AGBL4: variants seen among roughly 807,000 people sequenced by gnomAD.
AGBL4 encodes cytosolic carboxypeptidase 6.
Under a neutral mutation model 66.4 loss-of-function variants are expected in AGBL4, and 58 were observed. The ratio of observed to expected loss-of-function variants is 0.87; its 90% CI spans 0.71 to 1.09. The LOEUF is 1.09. AGBL4 is among the 50% of genes least tolerant of loss of function. The pLI, the probability that AGBL4 is intolerant of heterozygous loss-of-function variation, is 0.00. For missense variants in AGBL4, 579 were observed against 631.0 expected (o/e 0.92, Z 0.88); for synonymous variants, 234 against 222.9 (o/e 1.05, Z -0.44).
chr1:49,079,780 T>C (rs914851084), intron 4 of AGBL4, among the ~76,000 whole-genome samples: 3 of 152,154 alleles, frequency 2.0e-5, no homozygotes, highest in Admixed American at 1.3e-4. Context: ...CATTATCTAG[T>C]CTGATTTTTC....
intron 6 of AGBL4, among the ~76,000 whole-genome samples, chr1:48,809,129 AAGG>A (rs919257474): frequency 1.3e-5 from 2 of 152,076 alleles, no homozygotes; most frequent in African/African-American, 4.8e-5. Context: ...TACTTTAGGG[AAGG>A]AGGAGGGTAA....
chr1:49,884,663 G>C (rs1030019113), intron 1 of AGBL4, among the ~76,000 whole-genome samples: 2 of 151,740 alleles, frequency 1.3e-5, no homozygotes, highest in Middle Eastern at 3.4e-3. Flanking sequence ...TCAATTTAAG[G>C]AAGTTAGAGA....
At chr1:49,201,137 T>C (rs1557723670) in intron 4 of AGBL4, among the ~76,000 whole-genome samples, 1 of 152,170 alleles carries the variant, frequency 6.6e-6, no homozygotes, top group Non-Finnish European at 1.5e-5. Flanking sequence ...CTATATTAGA[T>C]GGGCTTGAAA....
intron 3 of AGBL4, among the ~76,000 whole-genome samples, chr1:49,362,675 T>C (rs920824277): frequency 7.9e-5 from 12 of 152,150 alleles, no homozygotes; most frequent in African/African-American, 2.9e-4. Flanking sequence ...ATGACTCTGC[T>C]TTGAATTTCT....
At chr1:49,011,942 T>C (rs1224023408) in intron 5 of AGBL4, among the ~76,000 whole-genome samples, 4 of 149,704 alleles carry the variant, frequency 2.7e-5, no homozygotes, top group Admixed American at 6.6e-5. Flanking sequence ...GATGACAAGT[T>C]AGTGGGTGCA....
intron 3 of AGBL4, among the ~76,000 whole-genome samples, chr1:49,680,405 G>A (rs906101396): frequency 6.8e-6 from 1 of 146,974 alleles, no homozygotes; most frequent in Admixed American, 6.7e-5. Flanking sequence ...AGTCATTCTT[G>A]CTGTATGGCA....
At chr1:49,583,297 G>T (rs539836298) in intron 3 of AGBL4, among the ~76,000 whole-genome samples, 1 of 152,142 alleles carries the variant, frequency 6.6e-6, no homozygotes, top group Non-Finnish European at 1.5e-5. Context: ...ACTCCATGTG[G>T]ACACAGAAGC....
intron 4 of AGBL4, among the ~76,000 whole-genome samples, chr1:49,168,155 C>G (rs1230222006): frequency 6.6e-6 from 1 of 152,072 alleles, no homozygotes; most frequent in Non-Finnish European, 1.5e-5. Context: ...GAACACTAAA[C>G]CATGCCTATA....
At chr1:49,032,246 T>C (rs762386786) in intron 5 of AGBL4, among the ~76,000 whole-genome samples, 30 of 152,152 alleles carry the variant, frequency 2.0e-4, no homozygotes, top group Non-Finnish European at 3.8e-4. Context: ...TATTTCATCA[T>C]ATACTACAGA....
At chr1:49,559,597 T>C (rs1257916239) in intron 3 of AGBL4, among the ~76,000 whole-genome samples, 2 of 152,108 alleles carry the variant, frequency 1.3e-5, no homozygotes, top group Non-Finnish European at 1.5e-5. Context: ...TGGAAGAAAG[T>C]GGAAAAAACT....
chr1:48,997,715 T>C, intron 5 of AGBL4, among the ~76,000 whole-genome samples: 1 of 152,168 alleles, frequency 6.6e-6, no homozygotes, highest in South Asian at 2.1e-4. Flanking sequence ...TTCTTACCCA[T>C]AATATGAGGA....
At chr1:48,999,403 C>T (rs1661235987) in intron 5 of AGBL4, among the ~76,000 whole-genome samples, 1 of 152,122 alleles carries the variant, frequency 6.6e-6, no homozygotes, top group Non-Finnish European at 1.5e-5. Flanking sequence ...AAACAAATGG[C>T]CCATTATAGA....
intron 1 of AGBL4, among the ~76,000 whole-genome samples, chr1:49,865,482 C>A (rs1646678365): frequency 6.6e-6 from 1 of 152,100 alleles, no homozygotes; most frequent in African/African-American, 2.4e-5. Flanking sequence ...CTGGAGCAGA[C>A]CCTCAGAAAA....
intron 2 of AGBL4, among the ~76,000 whole-genome samples, chr1:49,724,580 T>G (rs1204182023): frequency 6.6e-6 from 1 of 152,152 alleles, no homozygotes; most frequent in Non-Finnish European, 1.5e-5. Context: ...TATTCCATTC[T>G]TATTAACTGC....
intron 6 of AGBL4, among the ~76,000 whole-genome samples, chr1:48,830,148 C>T (rs1308301794): frequency 6.6e-6 from 1 of 152,186 alleles, no homozygotes; most frequent in Non-Finnish European, 1.5e-5. Context: ...ATCTATACTA[C>T]TTACCTTAGA....
chr1:48,764,314 A>C (rs2148670301), intron 6 of AGBL4, among the ~76,000 whole-genome samples: 1 of 152,336 alleles, frequency 6.6e-6, no homozygotes, highest in African/African-American at 2.4e-5. Flanking sequence ...AATTGAAGTG[A>C]ATAATTCCTA....
At chr1:49,619,291 G>T (rs928995828) in intron 3 of AGBL4, among the ~76,000 whole-genome samples, 2 of 152,124 alleles carry the variant, frequency 1.3e-5, no homozygotes, top group Non-Finnish European at 2.9e-5. Context: ...CAAAACCAAT[G>T]TGCAAAAACC....
intron 1 of AGBL4, among the ~76,000 whole-genome samples, chr1:49,972,332 C>T (rs537713910): frequency 6.6e-6 from 1 of 152,190 alleles, no homozygotes; most frequent in Admixed American, 6.5e-5. Context: ...ACCCTTTCCA[C>T]TTTTCATAGT....
intron 1 of AGBL4, among the ~76,000 whole-genome samples, chr1:49,880,162 G>A (rs576067008): frequency 1.1e-3 from 160 of 151,878 alleles, no homozygotes; most frequent in South Asian, 0.01. Context: ...CTCTCAGCTC[G>A]TCAAAATCAT....
Sources: gnomAD v4.1 joint callset for allele counts (sites outside exome capture counted in the v4.1 genomes callset) on GRCh38, gnomAD v4.1.1 for gene constraint, MANE v1.5 for transcripts, NCBI Gene and HGNC (gene_info 2026-07-23, HGNC 2026-07-21) for gene names.